ZNF33B: variants seen among roughly 807,000 people sequenced by gnomAD.
The protein encoded by ZNF33B is zinc finger protein 11b (KOX 2).
In ZNF33B, 29 loss-of-function variants were observed where a neutral mutation model predicts 45.8. That is an observed-to-expected ratio of 0.63 (90% CI 0.47 to 0.86). ZNF33B has a LOEUF of 0.86. Among genes scored for constraint, ZNF33B ranks in the 40% least tolerant of loss-of-function variants. The probability of loss-of-function intolerance (pLI) is 0.00; values close to 1 mark genes in which losing one functional copy is unlikely to be tolerated. For missense variants in ZNF33B, 831 were observed against 909.9 expected, an observed-to-expected ratio of 0.91 and a Z score of 1.12; for synonymous variants, 305 against 307.8, an observed-to-expected ratio of 0.99 and a Z score of 0.10.
intron 4 of ZNF33B, among the ~76,000 whole-genome samples, chr10:42,620,923 C>T (rs1158044352): frequency 1.3e-5 from 2 of 151,992 alleles, no homozygotes; most frequent in Non-Finnish European, 2.9e-5. Flanking sequence ...AGGGTCGTTC[C>T]ATCAATAAGA....
At chr10:42,636,249 A>G (rs1488592401) in intron 2 of ZNF33B, among the ~76,000 whole-genome samples, 2 of 152,262 alleles carry the variant, frequency 1.3e-5, no homozygotes, top group African/African-American at 4.8e-5. Flanking sequence ...GTTTGACTCA[A>G]TAGGCTGCAC....
Position 42,591,493 on chromosome 10 carries a change from C to T in ZNF33B, c.*1120G>A. ...ATGGATAAACATTAGCTCTGTGGGT[C>T]TCTATTTAAATTGTTTCAGGACACG... On this transcript the variant is annotated 3_prime_UTR_variant, in exon 5 of 5. Transcript: ENST00000359467. 1 of 290,756 alleles carries T rather than the reference C, an allele frequency of 3.4e-6. No individual in the cohort carries two copies. Among genetic ancestry groups the T allele is most frequent in the Non-Finnish European group, 5.1e-6 (1 of 195,122 alleles). 18.0% of individuals were successfully genotyped at this position (290,756 alleles called of 1,614,324 possible).
At chr10:42,616,772 T>C (rs547513540) in intron 4 of ZNF33B, among the ~76,000 whole-genome samples, 1 of 152,192 alleles carries the variant, frequency 6.6e-6, no homozygotes, top group Non-Finnish European at 1.5e-5. Flanking sequence ...TTCGGCTCAC[T>C]GCAACCTCCG....
downstream of ZNF33B, among the ~76,000 whole-genome samples, chr10:42,585,778 T>C (rs529067655): frequency 9.8e-5 from 15 of 152,344 alleles, no homozygotes; most frequent in East Asian, 2.7e-3. Flanking sequence ...AATAAATTTT[T>C]TGGCAAGTTT....
chr10:42,616,830 G>A (rs1838340744), intron 4 of ZNF33B, among the ~76,000 whole-genome samples: 1 of 151,970 alleles, frequency 6.6e-6, no homozygotes, highest in African/African-American at 2.4e-5. Context: ...TGAGTAGCTG[G>A]GACTACAGGT....
intron 4 of ZNF33B, among the ~76,000 whole-genome samples, chr10:42,605,638 G>A (rs1413063857): frequency 6.6e-6 from 1 of 152,132 alleles, no homozygotes; most frequent in Non-Finnish European, 1.5e-5. Flanking sequence ...CCAAACACTA[G>A]ATCAAATCCA....
At position 42,592,498 on chromosome 10, in the gene ZNF33B, C is replaced by T. The variant is rs142627435; in HGVS notation, c.*115G>A. 3.8e-3 allele frequency: 5,312 copies of T among 1,387,394 alleles called. 26 individuals are homozygous for T. The highest frequency in any genetic ancestry group is 0.012 in the Middle Eastern group (63 of 5,394). The allele number at this position is 1,387,394 out of a possible 1,614,324, so 85.9% of individuals were successfully genotyped here. A position where few individuals can be genotyped will look rare whatever the true frequency, so the allele number is the denominator to read the frequency against. ...ACTGTTACTTTGGAGTAACATAAGG[C>T]GAGTTTGTGGATAGTTATTGAACAT... On this transcript the variant is annotated 3_prime_UTR_variant, in exon 5 of 5. Transcript: ENST00000359467.
chr10:42,599,463 CATATGTATATTACAT>C (rs1341587033), intron 4 of ZNF33B, among the ~76,000 whole-genome samples: 11 of 614 alleles, frequency 0.018, no homozygotes, highest in African/African-American at 0.072. Flanking sequence ...TACATATATA[CATATGTATATTACAT>C]ATATACATAT....
chr10:42,576,504 A>T (rs1836751168), intron 1 of ZNF33B, among the ~76,000 whole-genome samples: 1 of 152,084 alleles, frequency 6.6e-6, no homozygotes, highest in African/African-American at 2.4e-5. Context: ...CTTGCTGGGC[A>T]TGTTTGCAGG....
chr10:42,637,614 A>T (rs1396156784), intron 1 of ZNF33B, among the ~76,000 whole-genome samples: 1 of 152,086 alleles, frequency 6.6e-6, no homozygotes, highest in Non-Finnish European at 1.5e-5. Context: ...CAAAAAAATT[A>T]TTTTTTCTTC....
chr10:42,584,557 T>C (rs1312269675), downstream of ZNF33B, among the ~76,000 whole-genome samples: 2 of 151,692 alleles, frequency 1.3e-5, no homozygotes, highest in Non-Finnish European at 2.9e-5. Context: ...GTTTCGCTCT[T>C]TCTCCCAGGC....
At chr10:42,595,126 A>G (rs1837345248) in intron 4 of ZNF33B, among the ~76,000 whole-genome samples, 1 of 152,216 alleles carries the variant, frequency 6.6e-6, no homozygotes, top group Non-Finnish European at 1.5e-5. Context: ...AATCACCACT[A>G]TGCAATAGAT....
chr10:42,613,111 G>C (rs1838168317), intron 4 of ZNF33B, among the ~76,000 whole-genome samples: 1 of 152,228 alleles, frequency 6.6e-6, no homozygotes, highest in African/African-American at 2.4e-5. Flanking sequence ...GCTTTGGAAA[G>C]AGATAGAAGT....
intron 4 of ZNF33B, among the ~76,000 whole-genome samples, chr10:42,620,016 G>C (rs1254697873): frequency 1.3e-5 from 2 of 152,112 alleles, no homozygotes; most frequent in Non-Finnish European, 2.9e-5. Flanking sequence ...AGGAGTTCAA[G>C]ACGAGCCTGG....
rs35666452 is a variant in ZNF33B at position 42,614,939 on chromosome 10, C to T, written c.250+16990G>A. 1.3e-3 allele frequency among the ~76,000 whole-genome samples: 190 copies of T among 150,846 alleles called. 1 individual carries two copies. Among genetic ancestry groups the T allele is most frequent in the Non-Finnish European group, 2.2e-3 (147 of 67,824 alleles). The stretch of plus-strand genomic sequence containing the variant: ...CTGTACCCCAGCCTGGGCAACAGAG[C>T]GAGATTCCATCTCAAAAAGAAAAAA... On this transcript the variant is annotated intron_variant, in intron 4 of 4. Transcript: ENST00000359467.
chr10:42,575,399 C>T (rs1231741095), intron 1 of ZNF33B, among the ~76,000 whole-genome samples: 1 of 152,138 alleles, frequency 6.6e-6, no homozygotes, highest in Non-Finnish European at 1.5e-5. Flanking sequence ...CCCCTAGAAG[C>T]ATCAGAGGGA....
rs1837181050 is a variant in ZNF33B at position 42,592,657 on chromosome 10, T to C, written c.2293A>G (p.Ile765Val). Residue 765 changes from isoleucine to valine, a missense_variant, in exon 5 of 5, where the codon ATT becomes GTT. By Grantham distance (29) the Ile-to-Val change is conservative (BLOSUM62 3). Transcript: ENST00000359467. Reference protein sequence around the residue: ...RKTFSQKSNLIVHQRTHIGEK... With the variant: ...RKTFSQKSNLVVHQRTHIGEK... The stretch of plus-strand genomic sequence containing the variant: ...CCTATGTGTGTTCTCTGATGTACAA[T>C]GAGATTTGACTTTTGAGAGAAGGTT... The C allele has an allele frequency of 1.2e-6, 2 of 1,613,624 alleles. No individual in the cohort carries two copies. The highest frequency in any genetic ancestry group is 8.5e-7 in the Non-Finnish European group (1 of 1,179,602).
chr10:42,591,278 T>TA lies in ZNF33B; in HGVS notation c.*1334dup, dbSNP rs931429233. On this transcript the variant is annotated 3_prime_UTR_variant, in exon 5 of 5. Coordinates refer to ENST00000359467, the MANE Select transcript of ZNF33B (RefSeq NM_006955.3). ...GGCCCTGTCTTGGAGAGCAGCTGCT[T>TA]AAAGAAAATTTGGACTATCACTTAC... 8.4e-5 allele frequency: 77 copies of TA among 920,998 alleles called. No individual in the cohort carries two copies. In the African/African-American group the frequency reaches 1.3e-3, roughly 16 times the overall value. The allele number at this position is 920,998 out of a possible 1,614,324, so 57.1% of individuals were successfully genotyped here.
rs199977911 is a variant in ZNF33B at position 42,617,092 on chromosome 10, CTTTTTTTTTTT to C, written c.250+14826_250+14836del. On this transcript the variant is annotated intron_variant, in intron 4 of 4. Transcript: ENST00000359467. ...TTGAAGAAAATTGTTCATTTTTTCT[CTTTTTTTTTTT>C]TTTTTTTTTTTTTTTTTTGAGGCAA... Among the ~76,000 whole-genome samples the C allele has an allele frequency of 4.4e-3, 269 of 61,210 alleles. 3 individuals carry two copies. Among genetic ancestry groups the C allele is most frequent in the East Asian group, 0.044 (91 of 2,076 alleles). The allele number at this position is 61,210 out of a possible 152,430, so 40.2% of individuals were successfully genotyped here. A position where few individuals can be genotyped will look rare whatever the true frequency, so the allele number is the denominator to read the frequency against.
Sources: allele counts gnomAD v4.1 joint callset (sites outside exome capture counted in the v4.1 genomes callset), GRCh38; gene constraint gnomAD v4.1.1; transcripts MANE v1.5; gene names NCBI Gene and HGNC (gene_info 2026-07-23, HGNC 2026-07-21).